COL23A1: variants seen among roughly 807,000 people sequenced by gnomAD.
COL23A1 encodes the protein collagen type XXIII alpha 1 chain.
A neutral mutation model predicts 99.3 loss-of-function variants in COL23A1; 97 were observed. The ratio of observed to expected loss-of-function variants is 0.98; its 90% CI spans 0.83 to 1.16. The LOEUF (loss-of-function observed/expected upper bound fraction) is 1.16, where lower values mean the gene tolerates loss of function less well. COL23A1 is among the 50% of genes most tolerant of loss of function. The pLI, the probability that COL23A1 is intolerant of heterozygous loss-of-function variation, is 0.00. For missense variants in COL23A1, 762 were observed against 757.4 expected (o/e 1.01, Z -0.07); for synonymous variants, 320 against 308.2 (o/e 1.04, Z -0.40).
chr5:178,268,594 C>T, intron 7 of COL23A1, 136 bp downstream of exon 7: 1 of 733,732 alleles, frequency 1.4e-6, no homozygotes, highest in Non-Finnish European at 2.1e-6. Context: ...GTGATTCCCA[C>T]TCTACAGATG....
intron 2 of COL23A1, among the ~76,000 whole-genome samples, chr5:178,441,010 GA>G (rs1290880921): frequency 1.3e-5 from 2 of 152,138 alleles, no homozygotes; most frequent in African/African-American, 4.8e-5. Flanking sequence ...AGAAAGTTAC[GA>G]AACAGATTTC....
At chr5:178,363,627 T>TA (rs1421800359) in intron 2 of COL23A1, among the ~76,000 whole-genome samples, 15 of 152,062 alleles carry the variant, frequency 9.9e-5, no homozygotes, top group Admixed American at 1.3e-4. Context: ...AATTAAACAC[T>TA]CCCTCGACCC....
Position 178,544,937 on chromosome 5 carries a change from A to G in COL23A1, c.361+15745T>C, listed in dbSNP as rs1036099872. Among the ~76,000 whole-genome samples the G allele has an allele frequency of 1.4e-4, 22 of 152,016 alleles. No homozygotes were observed. The highest frequency in any genetic ancestry group is 1.2e-3 in the South Asian group (6 of 4,816). ...AACAACAAAAAAAGAAAAATTAACA[A>G]AATTTAGCCAGGTGTGGTGGCACGT... On this transcript the variant is annotated intron_variant, in intron 2 of 28. Transcript: ENST00000390654. This position sits in a 1 kb window ranked among gnomAD's most constrained non-coding sequence, Gnocchi z 4.4.
intron 2 of COL23A1, among the ~76,000 whole-genome samples, chr5:178,361,065 G>A (rs1762151165): frequency 6.6e-6 from 1 of 152,226 alleles, no homozygotes; most frequent in Non-Finnish European, 1.5e-5. Context: ...TGGAGCTGCT[G>A]TCAGGGTCTT....
At chr5:178,538,482 G>C (rs1404867826) in intron 2 of COL23A1, among the ~76,000 whole-genome samples, 1 of 152,152 alleles carries the variant, frequency 6.6e-6, no homozygotes, top group Non-Finnish European at 1.5e-5. Flanking sequence ...TTTCATAAAA[G>C]TTTCCACACA....
At chr5:178,426,227 C>G (rs956507073) in intron 2 of COL23A1, among the ~76,000 whole-genome samples, 2 of 152,222 alleles carry the variant, frequency 1.3e-5, no homozygotes, top group African/African-American at 4.8e-5. Flanking sequence ...AACCCACCCT[C>G]AAGCCCATCA....
chr5:178,584,012 G>T (rs1045283112), intron 1 of COL23A1, among the ~76,000 whole-genome samples: 3 of 152,048 alleles, frequency 2.0e-5, no homozygotes, highest in Admixed American at 1.3e-4. Flanking sequence ...ACAGGCTTGC[G>T]CCACCATGCC....
chr5:178,524,279 G>GC (rs938841714), intron 2 of COL23A1, among the ~76,000 whole-genome samples: 10 of 152,228 alleles, frequency 6.6e-5, no homozygotes, highest in Non-Finnish European at 1.2e-4. Context: ...TCACACTGTG[G>GC]CCCCCCGCAG....
intron 3 of COL23A1, 30 bp from the exon 4 acceptor site, chr5:178,290,399 C>A: frequency 6.2e-7 from 1 of 1,612,422 alleles, no homozygotes; most frequent in Non-Finnish European, 8.5e-7. Context: ...AAGCCACAGT[C>A]AGTGTGGAAG....
At chr5:178,479,776 G>A (rs148532323) in intron 2 of COL23A1, among the ~76,000 whole-genome samples, 40 of 152,326 alleles carry the variant, frequency 2.6e-4, no homozygotes, top group South Asian at 1.5e-3. Flanking sequence ...AATATAAGGC[G>A]TCCGAATTTG....
At position 178,590,211 on chromosome 5, in the gene COL23A1, C is replaced by G. The variant is rs1422595639; in HGVS notation, c.-14G>C. On this transcript the variant is annotated 5_prime_UTR_variant, in exon 1 of 29. Transcript: ENST00000390654. This position sits in a 1 kb window ranked among gnomAD's most constrained non-coding sequence, Gnocchi z 5.7. ...GCCTGGGCCCATGGCGCGTTCGTCG[C>G]GCGTGGACTCTCCGAGGGGGCGGTG... 2 of 1,209,776 alleles carry G rather than the reference C, an allele frequency of 1.7e-6. No homozygotes were observed. The highest frequency in any genetic ancestry group is 2.1e-6 in the Non-Finnish European group (2 of 974,730). 74.9% of individuals were successfully genotyped at this position (1,209,776 alleles called of 1,614,324 possible).
intron 2 of COL23A1, among the ~76,000 whole-genome samples, chr5:178,357,991 CGTGT>C (rs572295370): frequency 1.7e-5 from 2 of 117,784 alleles, no homozygotes. Context: ...TGTGTGTATG[CGTGT>C]GTGTATATGT....
chr5:178,244,011 A>C (rs1467178332), intron 25 of COL23A1, among the ~76,000 whole-genome samples: 2 of 151,680 alleles, frequency 1.3e-5, no homozygotes, highest in African/African-American at 2.4e-5. Flanking sequence ...ACGGAGTCTC[A>C]CTCTGTTGCC....
At chr5:178,535,430 G>C (rs1760884251) in intron 2 of COL23A1, among the ~76,000 whole-genome samples, 1 of 152,252 alleles carries the variant, frequency 6.6e-6, no homozygotes, top group Non-Finnish European at 1.5e-5. Context: ...CACAAGCTGA[G>C]CATGCTCCTG....
At chr5:178,312,756 C>T (rs1289474208) in intron 2 of COL23A1, among the ~76,000 whole-genome samples, 6 of 152,156 alleles carry the variant, frequency 3.9e-5, no homozygotes, top group Non-Finnish European at 5.9e-5. Context: ...CTGGTTGCTC[C>T]GCCCTCAGCC....
chr5:178,415,918 G>A lies in COL23A1; in HGVS notation c.362-108999C>T, dbSNP rs1045557776. On this transcript the variant is annotated intron_variant, in intron 2 of 28. Transcript: ENST00000390654. The surrounding 1 kb of genome is among the most constrained non-coding windows in gnomAD (Gnocchi z 4.6). ...GAGGGAGGTGATTCCAGGGCTGGATGGGACCAGAGAGAGCTTTCAGGAGGT... is the reference window on the plus strand; with the variant it reads ...GAGGGAGGTGATTCCAGGGCTGGATAGGACCAGAGAGAGCTTTCAGGAGGT... Among the ~76,000 whole-genome samples the A allele has an allele frequency of 6.6e-6, 1 of 152,024 alleles. No homozygotes were observed. The highest frequency in any genetic ancestry group is 1.5e-5 in the Non-Finnish European group (1 of 68,016).
At chr5:178,409,099 A>T (rs958045227) in intron 2 of COL23A1, among the ~76,000 whole-genome samples, 4 of 152,094 alleles carry the variant, frequency 2.6e-5, no homozygotes, top group Non-Finnish European at 4.4e-5. Context: ...AAAAACCTGT[A>T]CATGGATGCT....
At chr5:178,472,841 C>T (rs1219116553) in intron 2 of COL23A1, among the ~76,000 whole-genome samples, 3 of 152,162 alleles carry the variant, frequency 2.0e-5, no homozygotes, top group Admixed American at 2.0e-4. Flanking sequence ...AAAAAATACA[C>T]AGGCAGGACA....
chr5:178,547,636 CCCCACACACACACACCCCCCATACACA>C (rs1761707552), intron 2 of COL23A1, among the ~76,000 whole-genome samples: 1 of 4,486 alleles, frequency 2.2e-4, no homozygotes, highest in Non-Finnish European at 5.8e-4. Flanking sequence ...ACCCACACCC[CCCCACACACACACACCCCCCATACACA>C]CCCCCCACAC....
Sources: gnomAD v4.1 joint callset for allele counts (sites outside exome capture counted in the v4.1 genomes callset) on GRCh38, gnomAD v4.1.1 for gene constraint, Gnocchi (gnomAD v3.1) non-coding constraint, MANE v1.5 for transcripts, NCBI Gene and HGNC (gene_info 2026-07-23, HGNC 2026-07-21) for gene names.